The following PTP4A2 variants were observed in gnomAD, a reference collection of about 807,000 sequenced individuals.
The protein encoded by PTP4A2 is protein tyrosine phosphatase type IVA 2.
Under a neutral mutation model 22.9 loss-of-function variants are expected in PTP4A2, and 2 were observed. The observed-to-expected ratio is 0.09, with a 90% CI of 0.04 to 0.27. PTP4A2 has a LOEUF of 0.27. Among genes scored for constraint, PTP4A2 ranks in the 10% least tolerant of loss-of-function variants. The pLI is 1.00. For missense variants in PTP4A2, 103 were observed against 205.1 expected, an observed-to-expected ratio of 0.50 and a Z score of 3.04; for synonymous variants, 68 against 69.1, an observed-to-expected ratio of 0.98 and a Z score of 0.08.
chr1:31,922,813 G>A (rs193023799), intron 1 of PTP4A2, among the ~76,000 whole-genome samples: 1 of 152,018 alleles, frequency 6.6e-6, no homozygotes, highest in Non-Finnish European at 1.5e-5. Flanking sequence ...GTAGCAACAA[G>A]GTTTCACTAT....
chr1:31,910,643 C>A (rs1651487267), intron 4 of PTP4A2: 1 of 152,330 alleles, frequency 6.6e-6, no homozygotes, highest in Admixed American at 6.5e-5. Flanking sequence ...CTTAAGAAAT[C>A]TTTACTCTTT....
Position 31,928,173 on chromosome 1 carries a change from T to A in PTP4A2, c.-593-8515A>T, listed in dbSNP as rs957340804. On this transcript the variant is annotated intron_variant, in intron 1 of 5. Coordinates refer to ENST00000647444, the MANE Select transcript of PTP4A2 (RefSeq NM_080391.4). ...ATTTAAATTAATATTATATTATATA[T>A]AACAAATATATATTATAACATATAT... Among the ~76,000 whole-genome samples the A allele has an allele frequency of 8.8e-5, 13 of 147,388 alleles. No individual in the cohort carries two copies. In the Admixed American group the frequency reaches 8.9e-4, roughly 10 times the overall value.
intron 1 of PTP4A2, among the ~76,000 whole-genome samples, chr1:31,922,594 C>CTTTCTTTCTTTCT (rs1553211667): frequency 4.4e-5 from 2 of 45,738 alleles, no homozygotes; most frequent in African/African-American, 2.5e-4. Context: ...TTGTTTCTTT[C>CTTTCTTTCTTTCT]TTTCTTTCTT....
intron 1 of PTP4A2, chr1:31,921,474 TC>T (rs1237862067): frequency 2.0e-5 from 3 of 152,134 alleles, no homozygotes; most frequent in Non-Finnish European, 4.4e-5. Flanking sequence ...CACACACTTC[TC>T]CCCAAACATT....
At chr1:31,912,363 C>T (rs994787082) in intron 3 of PTP4A2, among the ~76,000 whole-genome samples, 1 of 152,174 alleles carries the variant, frequency 6.6e-6, no homozygotes, top group Admixed American at 6.5e-5. Flanking sequence ...CAGAAACAAA[C>T]TACCATCTTT....
chr1:31,920,161 G>C (rs1652066171), intron 1 of PTP4A2, among the ~76,000 whole-genome samples: 1 of 139,716 alleles, frequency 7.2e-6, no homozygotes, highest in African/African-American at 2.7e-5. Flanking sequence ...TCAGAGACTT[G>C]AGCCAGGTGT....
At chr1:31,924,120 G>C (rs953723672) in intron 1 of PTP4A2, 1 of 152,160 alleles carries the variant, frequency 6.6e-6, no homozygotes, top group Admixed American at 6.5e-5. Context: ...AGGCTTAAAG[G>C]CTACAGCTCC....
intron 4 of PTP4A2, chr1:31,910,914 A>G (rs1361848901): frequency 6.6e-6 from 1 of 152,248 alleles, no homozygotes; most frequent in African/African-American, 2.4e-5. Flanking sequence ...TCTTTTTAAA[A>G]AAATTTAACA....
At chr1:31,934,920 G>T (rs1652869805) in intron 1 of PTP4A2, among the ~76,000 whole-genome samples, 1 of 152,170 alleles carries the variant, frequency 6.6e-6, no homozygotes, top group African/African-American at 2.4e-5. Context: ...CCGTTCAGCA[G>T]TTCAAAACTA....
chr1:31,930,838 C>T (rs868012132), intron 1 of PTP4A2: 3 of 152,142 alleles, frequency 2.0e-5, no homozygotes, highest in Non-Finnish European at 2.9e-5. Flanking sequence ...AAAAACCACA[C>T]AGTGAAAGTA....
intron 4 of PTP4A2, 74 bp from the exon 5 acceptor site, chr1:31,910,186 T>A (rs1235511798): frequency 8.9e-7 from 1 of 1,124,514 alleles, no homozygotes; most frequent in East Asian, 2.4e-5. Context: ...TGTAACTGCA[T>A]ATTACCAATG....
chr1:31,935,047 TAAC>T (rs1327504532), intron 1 of PTP4A2, among the ~76,000 whole-genome samples: 1 of 152,230 alleles, frequency 6.6e-6, no homozygotes, highest in Non-Finnish European at 1.5e-5. Flanking sequence ...AATTTATAAT[TAAC>T]AAAGTGCTTT....
chr1:31,924,436 T>C (rs1399864920), intron 1 of PTP4A2, among the ~76,000 whole-genome samples: 2 of 152,168 alleles, frequency 1.3e-5, no homozygotes, highest in Non-Finnish European at 2.9e-5. Flanking sequence ...TCAGATAAAC[T>C]AATGTTAATT....
intron 5 of PTP4A2, among the ~76,000 whole-genome samples, chr1:31,909,342 C>A (rs1244961516): frequency 6.6e-6 from 1 of 152,072 alleles, no homozygotes; most frequent in East Asian, 1.9e-4. Context: ...CCTGTCTGTG[C>A]ACTACCATCC....
In PTP4A2 at chr1:31,908,209, A is replaced by G. The variant is rs945851860; in HGVS notation, c.*643T>C. On this transcript the variant is annotated 3_prime_UTR_variant, in exon 6 of 6. Transcript: ENST00000647444. ...ATATATATATATATATATATATATCACTGCTGTTTTTTTGGTGTTGTTTTT... is the reference window on the plus strand; with the variant it reads ...ATATATATATATATATATATATATCGCTGCTGTTTTTTTGGTGTTGTTTTT... 10 of 44,492 alleles carry G rather than the reference A, an allele frequency of 2.2e-4. 1 individual carries two copies. The highest frequency in any genetic ancestry group is 8.2e-4 in the African/African-American group (10 of 12,268). The allele number at this position is 44,492 out of a possible 1,614,324, so 2.8% of individuals were successfully genotyped here. A position where few individuals can be genotyped will look rare whatever the true frequency, so the allele number is the denominator to read the frequency against.
intron 1 of PTP4A2, among the ~76,000 whole-genome samples, chr1:31,925,994 C>T (rs1652435104): frequency 1.3e-5 from 2 of 150,162 alleles, no homozygotes; most frequent in Non-Finnish European, 1.5e-5. Context: ...CTGGGCGTGG[C>T]GGCGCATGCC....
chr1:31,923,385 A>G (rs1215435320), intron 1 of PTP4A2, among the ~76,000 whole-genome samples: 2 of 122,412 alleles, frequency 1.6e-5, no homozygotes, highest in Admixed American at 2.1e-4. Context: ...CCCAGGCTGG[A>G]GTGCAGTGGC....
At chr1:31,925,665 CAGG>C (rs1652417690) in intron 1 of PTP4A2, among the ~76,000 whole-genome samples, 1 of 151,632 alleles carries the variant, frequency 6.6e-6, no homozygotes, top group Non-Finnish European at 1.5e-5. Context: ...CAGGCTGAGG[CAGG>C]AGAATGGCGT....
chr1:31,927,423 C>G (rs1052895804), intron 1 of PTP4A2, among the ~76,000 whole-genome samples: 9 of 152,034 alleles, frequency 5.9e-5, no homozygotes, highest in African/African-American at 2.2e-4. Context: ...TAACTGGTGA[C>G]GAGGTGACAA....
Sources: allele counts gnomAD v4.1 joint callset (sites outside exome capture counted in the v4.1 genomes callset), GRCh38; gene constraint gnomAD v4.1.1; transcripts MANE v1.5; gene names NCBI Gene and HGNC (gene_info 2026-07-23, HGNC 2026-07-21).